Variants in ST6GALNAC6 observed in about 807,000 individuals in gnomAD.
ST6GALNAC6 encodes the protein ST6 N-acetylgalactosaminide alpha-2,6-sialyltransferase 6, also known as alpha-N-acetylgalactosaminide alpha-2,6-sialyltransferase 6.
ST6GALNAC6 carries 19 observed loss-of-function variants against 34.3 expected under a neutral mutation model. That is an observed-to-expected ratio of 0.55 (90% CI 0.39 to 0.81). The LOEUF (loss-of-function observed/expected upper bound fraction) is 0.81. Ranked by LOEUF, ST6GALNAC6 falls within the 40% of genes least tolerant of loss-of-function variation. The probability of loss-of-function intolerance (pLI) is 0.00; values close to 1 mark genes in which losing one functional copy is unlikely to be tolerated. For synonymous variants in ST6GALNAC6, 185 were observed against 182.1 expected (o/e 1.02, Z -0.13); for missense variants, 377 against 467.7 (o/e 0.81, Z 1.79).
Position 127,890,485 on chromosome 9 carries a change from T to A in ST6GALNAC6, c.704+152A>T. Reference sequence around the variant, plus strand: ...AAGGACCCATGTGAACAGCTGGACATGAAGAGAACTCTCCTAGGAGGCCCA... The same window carrying A: ...AAGGACCCATGTGAACAGCTGGACAAGAAGAGAACTCTCCTAGGAGGCCCA... On this transcript the variant is annotated intron_variant, in intron 5 of 6. Coordinates refer to ENST00000373146, the MANE Select transcript of ST6GALNAC6 (RefSeq NM_013443.5). The surrounding 1 kb of genome is among the most constrained non-coding windows in gnomAD (Gnocchi z 4.3). 9.1e-7 allele frequency: 1 copy of A among 1,095,882 alleles called. No homozygotes were observed. Among genetic ancestry groups the A allele is most frequent in the East Asian group, 2.6e-5 (1 of 38,526 alleles). 67.9% of individuals were successfully genotyped at this position (1,095,882 alleles called of 1,614,324 possible). A position where few individuals can be genotyped will look rare whatever the true frequency, so the allele number is the denominator to read the frequency against.
intron 4 of ST6GALNAC6, among the ~76,000 whole-genome samples, chr9:127,892,872 A>G (rs1193363078): frequency 1.3e-5 from 2 of 152,060 alleles, no homozygotes; most frequent in Admixed American, 1.3e-4. Flanking sequence ...CAACACCCCT[A>G]TGATTTCATC....
rs1238313548 is a variant in ST6GALNAC6 at position 127,890,063 on chromosome 9, C to T, written c.704+574G>A. Among the ~76,000 whole-genome samples, 1 of 152,196 alleles carries T rather than the reference C, an allele frequency of 6.6e-6. No individual in the cohort carries two copies. The highest frequency in any genetic ancestry group is 2.4e-5 in the African/African-American group (1 of 41,452). The stretch of plus-strand genomic sequence containing the variant: ...CCTCCTGCCTCAGCCTCCTGAGTAG[C>T]TAGGACTACAGGTACAAGCCACCGC... On this transcript the variant is annotated intron_variant, in intron 5 of 6. Coordinates refer to ENST00000373146, the MANE Select transcript of ST6GALNAC6 (RefSeq NM_013443.5). The surrounding 1 kb of genome is among the most constrained non-coding windows in gnomAD (Gnocchi z 4.3).
intron 6 of ST6GALNAC6, 70 bp downstream of exon 6, chr9:127,887,414 C>G (rs1829841590): frequency 7.5e-7 from 1 of 1,341,578 alleles, no homozygotes; most frequent in Admixed American, 1.9e-5. Context: ...AGGTTTCCAG[C>G]CCCTAGAGCT....
rs1052098469 is a variant in ST6GALNAC6 at position 127,899,344 on chromosome 9, G to A, written c.-30+159C>T. 106 of 301,892 alleles carry A rather than the reference G, an allele frequency of 3.5e-4. 1 individual carries two copies. The highest frequency in any genetic ancestry group is 2.4e-3 in the African/African-American group (106 of 44,528). 18.7% of individuals were successfully genotyped at this position (301,892 alleles called of 1,614,324 possible). ...TGGGCGCGAGGACCGGAACCTCGGG[G>A]CGCGGCTACCAAGGGGGAAGGGGTC... On this transcript the variant is annotated intron_variant, in intron 1 of 6. Coordinates refer to ENST00000373146, the MANE Select transcript of ST6GALNAC6 (RefSeq NM_013443.5).
At chr9:127,903,833 A>AG (rs35173985), upstream of ST6GALNAC6, 139,167 of 152,264 alleles carry the variant, frequency 0.91, 64,187 homozygotes, top group East Asian at 1. Context: ...GGGCTGCACC[A>AG]GGAGGGAAAC....
chr9:127,895,666 C>G (rs371561035), intron 3 of ST6GALNAC6, among the ~76,000 whole-genome samples: 1 of 152,234 alleles, frequency 6.6e-6, no homozygotes, highest in African/African-American at 2.4e-5. Context: ...TTAAACTTTT[C>G]CGTTTAATCA....
intron 4 of ST6GALNAC6, 145 bp from the exon 5 acceptor site, chr9:127,891,188 A>G: frequency 9.5e-7 from 1 of 1,055,196 alleles, no homozygotes; most frequent in East Asian, 2.6e-5. Context: ...TTCAGCACAC[A>G]TTGATAGCAA....
At chr9:127,892,092 G>A (rs1344511945) in intron 4 of ST6GALNAC6, among the ~76,000 whole-genome samples, 2 of 152,050 alleles carry the variant, frequency 1.3e-5, no homozygotes, top group South Asian at 4.2e-4. Flanking sequence ...CAGATGTTGC[G>A]GTGACCCGAG....
chr9:127,895,554 G>A (rs3780670), intron 3 of ST6GALNAC6, among the ~76,000 whole-genome samples: 28,308 of 152,144 alleles, frequency 0.19, 2,677 homozygotes, highest in South Asian at 0.28. Flanking sequence ...GCCTTTATGG[G>A]GGCAGGGGTG....
upstream of ST6GALNAC6, among the ~76,000 whole-genome samples, chr9:127,905,758 G>A (rs895821028): frequency 1.3e-5 from 2 of 152,190 alleles, no homozygotes; most frequent in Non-Finnish European, 2.9e-5. Context: ...CTGTGAGGTG[G>A]GGACAATTTT....
upstream of ST6GALNAC6, chr9:127,905,425 A>C: frequency 1.0e-6 from 1 of 985,572 alleles, no homozygotes; most frequent in Non-Finnish European, 1.2e-6. Flanking sequence ...ACCCGAGGGT[A>C]GGGCCAGGTT....
At chr9:127,891,730 G>A (rs1830150466) in intron 4 of ST6GALNAC6, among the ~76,000 whole-genome samples, 1 of 140,898 alleles carries the variant, frequency 7.1e-6, no homozygotes, top group East Asian at 2.2e-4. Flanking sequence ...AGGGAGAAGG[G>A]GAGGGGGAGG....
At chr9:127,900,415 C>G (rs2131590601), upstream of ST6GALNAC6, among the ~76,000 whole-genome samples, 1 of 151,962 alleles carries the variant, frequency 6.6e-6, no homozygotes, top group East Asian at 1.9e-4. Flanking sequence ...ACAAAATTAG[C>G]CTGGCGTGGT....
chr9:127,885,710 G>A lies in ST6GALNAC6; in HGVS notation c.*889C>T, dbSNP rs1829717455. The A allele has an allele frequency of 6.6e-6, 1 of 152,250 alleles. No individual in the cohort carries two copies. Among genetic ancestry groups the A allele is most frequent in the African/African-American group, 2.4e-5 (1 of 41,450 alleles). The allele number at this position is 152,250 out of a possible 1,614,324, so 9.4% of individuals were successfully genotyped here. A position where few individuals can be genotyped will look rare whatever the true frequency, so the allele number is the denominator to read the frequency against. On this transcript the variant is annotated 3_prime_UTR_variant, in exon 7 of 7. Transcript: ENST00000373146. ...ACCTCCCTGCTAGAGGGCAGAAAAG[G>A]AGGCCTGGCCCTTTAAGAGCCAAGC...
intron 3 of ST6GALNAC6, 127 bp downstream of exon 3, chr9:127,896,115 G>A: frequency 9.0e-7 from 1 of 1,115,694 alleles, no homozygotes. Flanking sequence ...GGCCTCCCAG[G>A]CATGGGCAGC....
chr9:127,894,737 C>T (rs1830348073), intron 3 of ST6GALNAC6, 46 bp from the exon 4 acceptor site: 2 of 1,447,468 alleles, frequency 1.4e-6, no homozygotes, highest in African/African-American at 3.0e-5. Flanking sequence ...CGGGCAGGCT[C>T]AGCGCCCCCA....
chr9:127,894,761 T>C, intron 3 of ST6GALNAC6, 70 bp from the exon 4 acceptor site: 1 of 1,554,304 alleles, frequency 6.4e-7, no homozygotes, highest in African/African-American at 1.4e-5. Context: ...CCTTGCCACC[T>C]ACCATGCCTG....
chr9:127,897,741 C>T, intron 2 of ST6GALNAC6: 1 of 1,195,566 alleles, frequency 8.4e-7, no homozygotes, highest in South Asian at 1.6e-5. Context: ...GCATTCAAGG[C>T]GCCCAGGGGT....
Position 127,897,741 on chromosome 9 carries a change from C to A in ST6GALNAC6, c.26+215G>T, listed in dbSNP as rs1212110655. 5.9e-6 allele frequency: 7 copies of A among 1,195,566 alleles called. No individual in the cohort carries two copies. In the South Asian group the frequency reaches 8.2e-5, roughly 14 times the overall value. 74.1% of individuals were successfully genotyped at this position (1,195,566 alleles called of 1,614,324 possible). On this transcript the variant is annotated intron_variant, in intron 2 of 6. Coordinates refer to ENST00000373146, the MANE Select transcript of ST6GALNAC6 (RefSeq NM_013443.5). ...TGCCCTGAGACCTTGGCATTCAAGGCGCCCAGGGGTCCAGCCGCCTATATC... is the reference window on the plus strand; with the variant it reads ...TGCCCTGAGACCTTGGCATTCAAGGAGCCCAGGGGTCCAGCCGCCTATATC...
Sources: allele counts gnomAD v4.1 joint callset (sites outside exome capture counted in the v4.1 genomes callset), GRCh38; gene constraint gnomAD v4.1.1; non-coding constraint Gnocchi (gnomAD v3.1); transcripts MANE v1.5; gene names NCBI Gene and HGNC (gene_info 2026-07-23, HGNC 2026-07-21).